Variants in PSD3 observed in about 807,000 individuals in gnomAD.
The protein encoded by PSD3 is pleckstrin and Sec7 domain containing 3.
PSD3 carries 49 observed loss-of-function variants against 105.5 expected under a neutral mutation model. The ratio of observed to expected loss-of-function variants is 0.46; its 90% CI spans 0.37 to 0.59. The LOEUF is 0.59. PSD3 is among the 20% of genes least tolerant of loss of function. PSD3 has a pLI of 0.00. For synonymous variants in PSD3, 557 were observed against 457.8 expected (o/e 1.22, Z -2.77); for missense variants, 1,561 against 1,263.8 (o/e 1.24, Z -3.57).
At chr8:18,579,876 A>T (rs1802696312) in intron 12 of PSD3, among the ~76,000 whole-genome samples, 1 of 152,204 alleles carries the variant, frequency 6.6e-6, no homozygotes, top group East Asian at 1.9e-4. Flanking sequence ...ACATGTACTT[A>T]AAACAATTTT....
At chr8:18,924,933 G>T (rs1037693131) in intron 2 of PSD3, 4 of 152,168 alleles carry the variant, frequency 2.6e-5, no homozygotes, top group African/African-American at 9.7e-5. Flanking sequence ...TCTAAGACAT[G>T]ACATGGGAAG....
At chr8:18,738,985 C>A (rs1247830228) in intron 9 of PSD3, among the ~76,000 whole-genome samples, 1 of 152,168 alleles carries the variant, frequency 6.6e-6, no homozygotes, top group African/African-American at 2.4e-5. Flanking sequence ...TTAAGAAGAA[C>A]CTTCGGCTCT....
At chr8:18,882,679 T>A (rs1818185117) in intron 2 of PSD3, among the ~76,000 whole-genome samples, 1 of 152,156 alleles carries the variant, frequency 6.6e-6, no homozygotes, top group Non-Finnish European at 1.5e-5. Flanking sequence ...TTGGTAGCCA[T>A]ATCCACAGAA....
At chr8:18,757,462 GCAAA>G (rs200735183) in intron 9 of PSD3, among the ~76,000 whole-genome samples, 17 of 151,994 alleles carry the variant, frequency 1.1e-4, no homozygotes, top group South Asian at 6.2e-4. Context: ...AGACTCCGTT[GCAAA>G]CAAACAAACA....
intron 10 of PSD3, among the ~76,000 whole-genome samples, chr8:18,642,548 T>C (rs1807727637): frequency 1.3e-5 from 2 of 152,154 alleles, no homozygotes; most frequent in Non-Finnish European, 2.9e-5. Context: ...AGAAAAATGC[T>C]TTCTTTACAT....
chr8:18,568,320 G>A (rs1319235915), intron 14 of PSD3, among the ~76,000 whole-genome samples: 1 of 152,128 alleles, frequency 6.6e-6, no homozygotes, highest in Middle Eastern at 3.4e-3. Flanking sequence ...CTCCCTGTTT[G>A]TATTAAATCT....
chr8:18,744,850 C>T (rs994857346), intron 9 of PSD3, among the ~76,000 whole-genome samples: 1 of 152,190 alleles, frequency 6.6e-6, no homozygotes, highest in Admixed American at 6.5e-5. Context: ...GTTACTATGG[C>T]TTCTTAGTCT....
chr8:18,766,495 G>A (rs193179988), intron 8 of PSD3, among the ~76,000 whole-genome samples: 14 of 152,142 alleles, frequency 9.2e-5, no homozygotes, highest in Non-Finnish European at 1.2e-4. Context: ...AAAAACCGAC[G>A]CTACATTTAT....
intron 1 of PSD3, among the ~76,000 whole-genome samples, chr8:18,954,080 T>C (rs2129470228): frequency 6.6e-6 from 1 of 152,244 alleles, no homozygotes; most frequent in African/African-American, 2.4e-5. Flanking sequence ...GGCCATTTAA[T>C]GTATACACTT....
chr8:18,920,752 GGA>G (rs1052054943), intron 2 of PSD3, among the ~76,000 whole-genome samples: 90 of 152,144 alleles, frequency 5.9e-4, no homozygotes, highest in African/African-American at 2.1e-3. Context: ...ACTATCCCAG[GGA>G]CTAAAACTTG....
At chr8:19,074,385 G>A (rs1161240314) in intron 1 of PSD3, among the ~76,000 whole-genome samples, 10 of 152,014 alleles carry the variant, frequency 6.6e-5, no homozygotes, top group Non-Finnish European at 1.2e-4. Context: ...CCACAACTCT[G>A]TGATGTACAG....
intron 4 of PSD3, among the ~76,000 whole-genome samples, chr8:18,815,696 G>A (rs531351126): frequency 3.5e-4 from 53 of 152,138 alleles, no homozygotes; most frequent in Non-Finnish European, 5.9e-4. Context: ...TTGGAACTGC[G>A]TATCTGTTCT....
chr8:18,835,776 G>A (rs1265322140), intron 4 of PSD3, among the ~76,000 whole-genome samples: 2 of 152,218 alleles, frequency 1.3e-5, no homozygotes, highest in East Asian at 3.9e-4. Flanking sequence ...GTGGAAGCAT[G>A]CCCGGCGTGC....
intron 11 of PSD3, among the ~76,000 whole-genome samples, chr8:18,610,029 T>C (rs1438174088): frequency 6.6e-6 from 1 of 152,244 alleles, no homozygotes; most frequent in African/African-American, 2.4e-5. Context: ...GTACTATTAC[T>C]ACTATATATT....
chr8:18,638,090 G>C (rs922470365), intron 10 of PSD3, among the ~76,000 whole-genome samples: 2 of 150,914 alleles, frequency 1.3e-5, no homozygotes, highest in Non-Finnish European at 2.9e-5. Context: ...GGCAAGTGGA[G>C]GTTGCAGTGA....
intron 1 of PSD3, among the ~76,000 whole-genome samples, chr8:18,973,179 G>C (rs1004246904): frequency 2.2e-4 from 33 of 152,108 alleles, no homozygotes; most frequent in African/African-American, 7.5e-4. Flanking sequence ...ATTTTGAAAA[G>C]AACACTGACA....
chr8:18,668,207 A>C (rs879519493), intron 9 of PSD3, among the ~76,000 whole-genome samples: 2 of 152,242 alleles, frequency 1.3e-5, no homozygotes, highest in East Asian at 3.9e-4. Flanking sequence ...GCGGAGAGTG[A>C]GCAAGGGCTG....
intron 12 of PSD3, among the ~76,000 whole-genome samples, chr8:18,596,532 T>C (rs1239537178): frequency 2.0e-5 from 3 of 150,906 alleles, no homozygotes; most frequent in Non-Finnish European, 4.4e-5. Flanking sequence ...AATGAAAAAA[T>C]AAAACTAAAA....
chr8:18,975,677 A>G (rs1824907113), intron 1 of PSD3, among the ~76,000 whole-genome samples: 1 of 152,258 alleles, frequency 6.6e-6, no homozygotes, highest in Non-Finnish European at 1.5e-5. Flanking sequence ...GGGAAGGTTC[A>G]TTCCACTGTT....
Sources: allele counts gnomAD v4.1 joint callset (sites outside exome capture counted in the v4.1 genomes callset), GRCh38; gene constraint gnomAD v4.1.1; transcripts MANE v1.5; gene names NCBI Gene and HGNC (gene_info 2026-07-23, HGNC 2026-07-21).